ADCY9: variants seen among roughly 807,000 people sequenced by gnomAD.
ADCY9 encodes the protein adenylate cyclase 9.
ADCY9 carries 50 observed loss-of-function variants against 101.5 expected under a neutral mutation model. The ratio of observed to expected loss-of-function variants is 0.49; its 90% confidence interval spans 0.39 to 0.62. The LOEUF is 0.62. Ranked by LOEUF, ADCY9 falls within the 20% of genes least tolerant of loss-of-function variation. The pLI is 0.00. For synonymous variants in ADCY9, 905 were observed against 769.3 expected, an observed-to-expected ratio of 1.18 and a Z score of -2.92; for missense variants, 1,662 against 1,800.4, an observed-to-expected ratio of 0.92 and a Z score of 1.39.
rs1311903318 is a variant in ADCY9, at chr16:3,992,310, T to C, written c.2043A>G (p.Gln681=). ...TCTGACTGTTGGTGAGCTTCTCCTC[T>C]TGGGGAGGGCTGAGGAGCCCGTTCT... ...KTQNGLLSPP[Q]EEKLTNSQTS... is the part of the protein sequence containing the mutation. Residue 681 remains glutamine (Q), a synonymous_variant, in exon 5 of 11, where the codon CAA becomes CAG. Transcript: ENST00000294016. The surrounding 1 kb of genome is among the most constrained non-coding windows in gnomAD (Gnocchi z 4.2). The C allele has an allele frequency of 4.3e-6, 7 of 1,613,994 alleles. No individual in the cohort carries two copies. The highest frequency in any genetic ancestry group is 5.9e-6 in the Non-Finnish European group (7 of 1,180,032).
chr16:4,021,068 C>T (rs1037713764), intron 2 of ADCY9, among the ~76,000 whole-genome samples: 10 of 152,222 alleles, frequency 6.6e-5, no homozygotes, highest in African/African-American at 2.4e-4. Context: ...TTAGAAGATA[C>T]ACCATATTTT....
intron 8 of ADCY9, 35 bp from the exon 9 acceptor site, chr16:3,977,665 G>GGCCACCCC (rs746616451): frequency 4.8e-5 from 76 of 1,590,922 alleles, no homozygotes; most frequent in Middle Eastern, 1.8e-4. Flanking sequence ...AGCCGCCCAG[G>GGCCACCCC]GCCACCCCGC....
In ADCY9 at chr16:4,114,680, G is replaced by T. The variant is rs1178319547; in HGVS notation, c.763C>A (p.Leu255Ile). The part of the protein sequence containing the change: ...SLCLGVAYSV[L>I]FETFGYHFRD... ...AAATGGTAGCCAAAGGTCTCGAAAA[G>T]GACAGAGTAGGCCACCCCCAGACAC... The change falls in exon 2 of 11, where the codon CTT becomes ATT. Residue 255 changes from leucine to isoleucine, a missense_variant. Around this residue, in one of 5 missense-constraint regions of ADCY9, gnomAD observed 422 missense variants for 392.0 expected, o/e 1.08. Coordinates refer to ENST00000294016, the MANE Select transcript of ADCY9 (RefSeq NM_001116.4). The surrounding 1 kb of genome is among the most constrained non-coding windows in gnomAD (Gnocchi z 4.3). 2 of 1,613,200 alleles carry T rather than the reference G, an allele frequency of 1.2e-6. No individual in the cohort carries two copies. Among genetic ancestry groups the T allele is most frequent in the Admixed American group, 3.3e-5 (2 of 60,032 alleles).
intron 7 of ADCY9, among the ~76,000 whole-genome samples, chr16:3,979,880 G>A (rs1204594683): frequency 6.6e-6 from 1 of 152,266 alleles, no homozygotes; most frequent in African/African-American, 2.4e-5. Flanking sequence ...CTGTGTCCCA[G>A]CTACAAACAG....
chr16:4,047,926 A>G (rs1045122774), intron 2 of ADCY9, among the ~76,000 whole-genome samples: 1 of 152,126 alleles, frequency 6.6e-6, no homozygotes, highest in African/African-American at 2.4e-5. Context: ...GGTAGCCACG[A>G]AGCATCTGGT....
intron 7 of ADCY9, chr16:3,981,938 A>T (rs1197120684): frequency 1.3e-5 from 2 of 152,142 alleles, no homozygotes. Context: ...AAACAAACCA[A>T]CCAGGGGCCT....
rs552505662 is a variant in ADCY9, at chr16:4,095,064, G to T, written c.1693+18686C>A. 2.8e-5 allele frequency among the ~76,000 whole-genome samples: 4 copies of T among 145,290 alleles called. No homozygotes were observed. In the South Asian group the frequency reaches 6.4e-4, roughly 23 times the overall value. Reference sequence around the variant, plus strand: ...GTCACCTAGGCTGGAGTGCAATGGCGCAATCTCAGCTCACTGCAACCTCTA... The same window carrying T: ...GTCACCTAGGCTGGAGTGCAATGGCTCAATCTCAGCTCACTGCAACCTCTA... On this transcript the variant is annotated intron_variant, in intron 2 of 10. Transcript: ENST00000294016.
chr16:3,981,427 T>C (rs1023883753), intron 7 of ADCY9, among the ~76,000 whole-genome samples: 12 of 152,088 alleles, frequency 7.9e-5, no homozygotes, highest in Middle Eastern at 3.2e-3. Flanking sequence ...AAGGCAGACC[T>C]GGGGGAGTGA....
At chr16:3,991,705 G>A (rs1202007312) in intron 5 of ADCY9, among the ~76,000 whole-genome samples, 11 of 146,348 alleles carry the variant, frequency 7.5e-5, no homozygotes, top group African/African-American at 2.8e-4. Flanking sequence ...AGGTTGCAGT[G>A]AGCCGAGATT....
intron 2 of ADCY9, among the ~76,000 whole-genome samples, chr16:4,008,571 C>CT (rs879832120): frequency 1.8e-3 from 250 of 141,440 alleles, no homozygotes; most frequent in African/African-American, 2.4e-3. Flanking sequence ...AGGGTCCCTT[C>CT]TTTTTTTTTT....
rs1555504577 is a variant in ADCY9 at position 3,956,488 on chromosome 16, C to CTTTTTT, written c.568-2978_568-2973dup. ...AAGGACAAGACACCAGCGCAATGAG[C>CTTTTTT]TTTTTTTTTTTTTTTGGGGGGGGAT... On this transcript the variant is annotated intron_variant, in intron 5 of 5. Transcript: ENST00000576936. Among the ~76,000 whole-genome samples, 45 of 68,796 alleles carry CTTTTTT rather than the reference C, an allele frequency of 6.5e-4. 1 individual carries two copies. Among genetic ancestry groups the CTTTTTT allele is most frequent in the Middle Eastern group, 0.011 (1 of 90 alleles). The allele number at this position is 68,796 out of a possible 152,430, so 45.1% of individuals were successfully genotyped here.
At chr16:4,071,885 C>G (rs2056836997) in intron 2 of ADCY9, among the ~76,000 whole-genome samples, 1 of 151,998 alleles carries the variant, frequency 6.6e-6, no homozygotes. Context: ...GTCTCGGCTC[C>G]CTGCAACCTC....
At chr16:3,981,569 A>C (rs911664614) in intron 7 of ADCY9, among the ~76,000 whole-genome samples, 2 of 152,158 alleles carry the variant, frequency 1.3e-5, no homozygotes, top group African/African-American at 4.8e-5. Context: ...TATTGTATAT[A>C]AATCATGTCA....
chr16:3,953,572 GAAAT>G (rs2055892649), intron 5 of ADCY9: 1 of 152,266 alleles, frequency 6.6e-6, no homozygotes, highest in African/African-American at 2.4e-5. Flanking sequence ...GGGGAGGAAA[GAAAT>G]AAAAACCGAG....
In ADCY9 at chr16:3,966,111, G is replaced by A. The variant is rs770013848; in HGVS notation, c.3726C>T (p.Tyr1242=). 13 of 1,614,234 alleles carry A rather than the reference G, an allele frequency of 8.1e-6. No individual in the cohort carries two copies. In the Admixed American group the frequency reaches 2.0e-4, roughly 25 times the overall value. ...TGACCCTGTGATCCGTGCACTTTGG[G>A]TACAGGTAGGTCTTCATCTGGCCTT... The part of the protein sequence containing the change: ...KGKGQMKTYL[Y]PKCTDHRVIP... The change falls in exon 11 of 11, where the codon TAC becomes TAT. Residue 1242 remains tyrosine (Y), a synonymous_variant. Transcript: ENST00000294016.
Position 3,963,142 on chromosome 16 carries a change from A to G in ADCY9, c.*2633T>C, listed in dbSNP as rs1441508823. On this transcript the variant is annotated 3_prime_UTR_variant, in exon 11 of 11. Transcript: ENST00000294016. ...TATATATATATATATATATATATATATGGATATATAATTCGATCTGAGCTG... is the reference window on the plus strand; with the variant it reads ...TATATATATATATATATATATATATGTGGATATATAATTCGATCTGAGCTG... The G allele has an allele frequency of 6.5e-6, 1 of 152,896 alleles. No homozygotes were observed. Among genetic ancestry groups the G allele is most frequent in the Non-Finnish European group, 1.3e-5 (1 of 79,462 alleles). The allele number at this position is 152,896 out of a possible 1,614,324, so 9.5% of individuals were successfully genotyped here.
intron 3 of ADCY9, among the ~76,000 whole-genome samples, chr16:3,994,405 AC>A (rs1463390940): frequency 6.6e-6 from 1 of 152,192 alleles, no homozygotes; most frequent in Non-Finnish European, 1.5e-5. Context: ...TGGTTGCACA[AC>A]CTTGCTAAAT....
chr16:4,046,003 C>G (rs550894552), intron 2 of ADCY9, among the ~76,000 whole-genome samples: 1 of 151,366 alleles, frequency 6.6e-6, no homozygotes, highest in East Asian at 1.9e-4. Context: ...TACCACCACA[C>G]CTGGCTAAAC....
At chr16:3,997,108 G>A (rs1298091901) in intron 3 of ADCY9, among the ~76,000 whole-genome samples, 1 of 152,132 alleles carries the variant, frequency 6.6e-6, no homozygotes, top group Non-Finnish European at 1.5e-5. Flanking sequence ...CAAGTGATCT[G>A]CCTGCCTTGC....
Sources: allele counts gnomAD v4.1 joint callset (sites outside exome capture counted in the v4.1 genomes callset), GRCh38; gene constraint gnomAD v4.1.1; regional missense constraint gnomAD v4.1.1; non-coding constraint Gnocchi (gnomAD v3.1); transcripts MANE v1.5; gene names NCBI Gene and HGNC (gene_info 2026-07-23, HGNC 2026-07-21).